The following ELP4 variants were observed in gnomAD, a reference collection of about 807,000 sequenced individuals.
ELP4 encodes elongator acetyltransferase complex subunit 4.
In ELP4, 51 loss-of-function variants were observed where a neutral mutation model predicts 48.9. The observed-to-expected ratio is 1.04, with a 90% CI of 0.83 to 1.32. The LOEUF is 1.32. Ranked by LOEUF, ELP4 falls within the 40% of genes most tolerant of loss-of-function variation. ELP4 has a pLI of 0.00. For missense variants in ELP4, 519 were observed against 514.6 expected (o/e 1.01, Z -0.08); for synonymous variants, 210 against 189.2 (o/e 1.11, Z -0.90).
chr11:31,766,092 A>C (rs563650517), intron 9 of ELP4, among the ~76,000 whole-genome samples: 2 of 152,142 alleles, frequency 1.3e-5, no homozygotes, highest in East Asian at 3.8e-4. Flanking sequence ...TTTAATTTAG[A>C]AAAAAATTGT....
intron 1 of ELP4, among the ~76,000 whole-genome samples, chr11:31,519,372 AGTT>A (rs1218620228): frequency 3.9e-5 from 6 of 152,252 alleles, no homozygotes; most frequent in African/African-American, 1.2e-4. Flanking sequence ...CTTCTGTAGT[AGTT>A]AAGTTACTGT....
intron 3 of ELP4, among the ~76,000 whole-genome samples, chr11:31,565,098 G>C (rs1170089228): frequency 6.6e-6 from 1 of 152,132 alleles, no homozygotes; most frequent in African/African-American, 2.4e-5. Flanking sequence ...ATCTCATTGT[G>C]GTTTTGATTT....
intron 3 of ELP4, among the ~76,000 whole-genome samples, chr11:31,577,629 G>C (rs564748073): frequency 6.6e-6 from 1 of 151,978 alleles, no homozygotes; most frequent in African/African-American, 2.4e-5. Context: ...AGGATGCAAG[G>C]GTGGTTCAAC....
intron 3 of ELP4, among the ~76,000 whole-genome samples, chr11:31,577,478 A>G (rs966612192): frequency 2.0e-5 from 3 of 151,804 alleles, no homozygotes; most frequent in African/African-American, 7.3e-5. Flanking sequence ...CAGAGACACA[A>G]CAACAACAAC....
Position 31,692,831 on chromosome 11 carries a change from C to G in ELP4, c.1143+42610C>G, listed in dbSNP as rs186537257. 1.5e-3 allele frequency among the ~76,000 whole-genome samples: 226 copies of G among 152,212 alleles called. 2 individuals are homozygous for G. Among genetic ancestry groups the G allele is most frequent in the African/African-American group, 5.1e-3 (213 of 41,520 alleles). The stretch of plus-strand genomic sequence containing the variant: ...ATCCTTCAGGCTGCAGTTTAAATAT[C>G]ACTGTCTCCCTCAGGGCTTCTATGA... On this transcript the variant is annotated intron_variant, in intron 9 of 9. Coordinates refer to ENST00000640961, the MANE Select transcript of ELP4 (RefSeq NM_019040.5).
intron 3 of ELP4, among the ~76,000 whole-genome samples, chr11:31,561,070 T>C (rs1957017218): frequency 6.6e-6 from 1 of 152,150 alleles, no homozygotes; most frequent in Non-Finnish European, 1.5e-5. Flanking sequence ...AATGCATGAC[T>C]TTCTATCACC....
At chr11:31,526,159 T>C (rs116779917) in intron 2 of ELP4, among the ~76,000 whole-genome samples, 1 of 152,256 alleles carries the variant, frequency 6.6e-6, no homozygotes, top group African/African-American at 2.4e-5. Context: ...CTTTATTTTA[T>C]AGGTAATGAA....
At chr11:31,683,715 T>C (rs1434575429) in intron 9 of ELP4, among the ~76,000 whole-genome samples, 1 of 152,150 alleles carries the variant, frequency 6.6e-6, no homozygotes, top group African/African-American at 2.4e-5. Flanking sequence ...AAATAAGACA[T>C]TGTTTCTATT....
intron 9 of ELP4, among the ~76,000 whole-genome samples, chr11:31,708,566 A>G (rs1946680274): frequency 6.6e-6 from 1 of 152,132 alleles, no homozygotes; most frequent in Non-Finnish European, 1.5e-5. Flanking sequence ...AAAAGTTATC[A>G]ATGAGTTCCA....
At chr11:31,738,235 A>G (rs1409700499) in intron 9 of ELP4, among the ~76,000 whole-genome samples, 1 of 142,904 alleles carries the variant, frequency 7.0e-6, no homozygotes, top group African/African-American at 2.7e-5. Context: ...TCTCTACCAA[A>G]AAAAAAAAAA....
At chr11:31,641,142 A>C (rs1945085905) in intron 7 of ELP4, among the ~76,000 whole-genome samples, 1 of 151,996 alleles carries the variant, frequency 6.6e-6, no homozygotes, top group Non-Finnish European at 1.5e-5. Context: ...AATTTCTTAC[A>C]TATTAGTACA....
chr11:31,668,219 A>G (rs963025725), intron 9 of ELP4, among the ~76,000 whole-genome samples: 2 of 152,160 alleles, frequency 1.3e-5, no homozygotes, highest in Non-Finnish European at 2.9e-5. Flanking sequence ...TGGTTTTAAT[A>G]TAAGTTTCTT....
chr11:31,568,786 T>A (rs959907861), intron 3 of ELP4, among the ~76,000 whole-genome samples: 12 of 151,924 alleles, frequency 7.9e-5, no homozygotes, highest in African/African-American at 2.7e-4. Flanking sequence ...TCAAGATGGA[T>A]TAAAAACCTA....
chr11:31,738,927 A>G (rs971950412), intron 9 of ELP4, among the ~76,000 whole-genome samples: 1 of 152,142 alleles, frequency 6.6e-6, no homozygotes, highest in Non-Finnish European at 1.5e-5. Flanking sequence ...AAGGAGGGAA[A>G]ATGAGGCGTT....
intron 9 of ELP4, among the ~76,000 whole-genome samples, chr11:31,747,626 G>C (rs1470225785): frequency 1.3e-5 from 2 of 152,178 alleles, no homozygotes; most frequent in African/African-American, 2.4e-5. Context: ...CCTTCAGACA[G>C]CCAAAACTGA....
At chr11:31,693,366 G>A (rs963973809) in intron 9 of ELP4, among the ~76,000 whole-genome samples, 7 of 151,646 alleles carry the variant, frequency 4.6e-5, no homozygotes, top group Admixed American at 2.6e-4. Context: ...GTGTCTAAGT[G>A]TTCTCATCGT....
At chr11:31,537,336 C>G (rs1281193734) in intron 2 of ELP4, among the ~76,000 whole-genome samples, 1 of 152,198 alleles carries the variant, frequency 6.6e-6, no homozygotes, top group African/African-American at 2.4e-5. Flanking sequence ...TTTCTGGACT[C>G]TATTCTTTTC....
chr11:31,660,837 A>G (rs926347213), intron 9 of ELP4, among the ~76,000 whole-genome samples: 8 of 152,066 alleles, frequency 5.3e-5, no homozygotes, highest in African/African-American at 1.9e-4. Flanking sequence ...CTAGATAGTG[A>G]TTTGTTTTAA....
At chr11:31,604,457 A>G (rs986711927) in intron 5 of ELP4, among the ~76,000 whole-genome samples, 7 of 151,854 alleles carry the variant, frequency 4.6e-5, no homozygotes, top group African/African-American at 1.7e-4. Context: ...GGTTTTAAGT[A>G]TCAAAACAAT....
Sources: gnomAD v4.1 joint callset for allele counts (sites outside exome capture counted in the v4.1 genomes callset) on GRCh38, gnomAD v4.1.1 for gene constraint, MANE v1.5 for transcripts, NCBI Gene and HGNC (gene_info 2026-07-23, HGNC 2026-07-21) for gene names.